NEK7: variants seen among roughly 807,000 people sequenced by gnomAD.
The protein encoded by NEK7 is NIMA related kinase 7, also known as serine/threonine-protein kinase Nek7.
Under a neutral mutation model 44.6 loss-of-function variants are expected in NEK7, and 18 were observed. That is an observed-to-expected ratio of 0.40 (90% CI 0.28 to 0.60). The LOEUF (loss-of-function observed/expected upper bound fraction) is 0.60. Ranked by LOEUF, NEK7 falls within the 20% of genes least tolerant of loss-of-function variation. NEK7 has a pLI of 0.38. For synonymous variants in NEK7, 130 were observed against 121.1 expected, an observed-to-expected ratio of 1.07 and a Z score of -0.48; for missense variants, 256 against 366.5, an observed-to-expected ratio of 0.70 and a Z score of 2.46.
At chr1:198,250,515 T>C (rs1419784995) in intron 2 of NEK7, among the ~76,000 whole-genome samples, 1 of 148,578 alleles carries the variant, frequency 6.7e-6, no homozygotes, top group African/African-American at 2.5e-5. Flanking sequence ...CCCATGAGCA[T>C]GGAATGTTCT....
intron 1 of NEK7, among the ~76,000 whole-genome samples, chr1:198,166,820 C>T (rs996216988): frequency 1.3e-5 from 2 of 152,098 alleles, no homozygotes; most frequent in African/African-American, 4.8e-5. Context: ...CAATATGTGA[C>T]ACAGAGATAT....
chr1:198,185,770 C>T (rs2102755174), intron 1 of NEK7, among the ~76,000 whole-genome samples: 1 of 152,020 alleles, frequency 6.6e-6, no homozygotes, highest in African/African-American at 2.4e-5. Context: ...ACCAGGATGG[C>T]AAGGAGTACT....
intron 9 of NEK7, among the ~76,000 whole-genome samples, chr1:198,298,449 T>A (rs1654777055): frequency 6.6e-6 from 1 of 152,214 alleles, no homozygotes; most frequent in South Asian, 2.1e-4. Flanking sequence ...TGCATAGCAT[T>A]TGTATTCAGG....
chr1:198,168,686 C>G (rs935083201), intron 1 of NEK7, among the ~76,000 whole-genome samples: 12 of 152,080 alleles, frequency 7.9e-5, no homozygotes, highest in Non-Finnish European at 1.8e-4. Flanking sequence ...TATAGTTCAT[C>G]TTTTTGTTTC....
rs540678004 is a variant in NEK7 at position 198,177,757 on chromosome 1, G to C, written c.-29+20481G>C. ...TCAGTTCCTCAGCTAACCTCGGGTT[G>C]TGTGCCAGAAGAAGGATTTCAGTTT... On this transcript the variant is annotated intron_variant, in intron 1 of 9. Transcript: ENST00000367385. 1.2e-3 allele frequency among the ~76,000 whole-genome samples: 180 copies of C among 151,982 alleles called. 1 individual carries two copies. The highest frequency in any genetic ancestry group is 2.2e-3 in the Non-Finnish European group (147 of 67,938).
At chr1:198,279,911 C>G (rs190996046) in intron 7 of NEK7, among the ~76,000 whole-genome samples, 236 of 151,980 alleles carry the variant, frequency 1.6e-3, no homozygotes, top group African/African-American at 5.5e-3. Flanking sequence ...GTACCTAAAA[C>G]GTAAGTAGGT....
At chr1:198,197,823 G>C in intron 1 of NEK7, 1 of 783,444 alleles carries the variant, frequency 1.3e-6, no homozygotes, top group Non-Finnish European at 2.3e-6. Flanking sequence ...TGCTTGCCAT[G>C]CTCGTGGTGC....
chr1:198,252,002 G>T (rs1354078096), intron 2 of NEK7, among the ~76,000 whole-genome samples: 2 of 151,994 alleles, frequency 1.3e-5, no homozygotes, highest in Non-Finnish European at 2.9e-5. Context: ...GGTTTCTCTT[G>T]TGGGCATTTA....
chr1:198,301,267 TG>T (rs1298969533), intron 9 of NEK7, among the ~76,000 whole-genome samples: 1 of 152,218 alleles, frequency 6.6e-6, no homozygotes, highest in East Asian at 1.9e-4. Context: ...ATAACATTTA[TG>T]GGCCGGGCGC....
intron 1 of NEK7, among the ~76,000 whole-genome samples, chr1:198,222,423 T>C (rs72751032): frequency 0.043 from 6,586 of 152,304 alleles, 225 homozygotes; most frequent in Middle Eastern, 0.065. Flanking sequence ...CTCCTAATAA[T>C]TTACAGTTAG....
intron 1 of NEK7, among the ~76,000 whole-genome samples, chr1:198,232,248 G>A (rs186048562): frequency 1.9e-3 from 289 of 152,050 alleles, no homozygotes; most frequent in Middle Eastern, 6.8e-3. Context: ...TCTCATAGTG[G>A]CAGGGTAGAG....
At chr1:198,163,571 T>C (rs1222736869) in intron 1 of NEK7, among the ~76,000 whole-genome samples, 2 of 152,196 alleles carry the variant, frequency 1.3e-5, no homozygotes, top group South Asian at 2.1e-4. Flanking sequence ...ATTTGTTTTA[T>C]GCAAATAGTA....
chr1:198,185,236 T>G (rs2102753884), intron 1 of NEK7, among the ~76,000 whole-genome samples: 1 of 148,726 alleles, frequency 6.7e-6, no homozygotes, highest in South Asian at 2.2e-4. Context: ...GGCTTTTTGC[T>G]TAGTGATTCT....
chr1:198,194,894 G>A (rs1665188574), intron 1 of NEK7, among the ~76,000 whole-genome samples: 1 of 152,152 alleles, frequency 6.6e-6, no homozygotes, highest in Admixed American at 6.5e-5. Context: ...TCGCCACACT[G>A]TTTTCCACAG....
At chr1:198,181,487 A>G (rs1329798860) in intron 1 of NEK7, among the ~76,000 whole-genome samples, 1 of 152,120 alleles carries the variant, frequency 6.6e-6, no homozygotes, top group East Asian at 1.9e-4. Context: ...GGTATCTATC[A>G]TGGAATCTAA....
At chr1:198,228,647 A>G (rs1214560148) in intron 1 of NEK7, among the ~76,000 whole-genome samples, 1 of 152,052 alleles carries the variant, frequency 6.6e-6, no homozygotes, top group Non-Finnish European at 1.5e-5. Context: ...ATGGGAGTTC[A>G]CTCATGATTT....
chr1:198,309,257 C>A (rs1280650703), intron 9 of NEK7, among the ~76,000 whole-genome samples: 1 of 151,044 alleles, frequency 6.6e-6, no homozygotes, highest in Non-Finnish European at 1.5e-5. Context: ...GCAGCATAAA[C>A]AAAGATATAG....
chr1:198,197,116 C>A (rs1170834850), intron 1 of NEK7, among the ~76,000 whole-genome samples: 2 of 152,142 alleles, frequency 1.3e-5, no homozygotes, highest in Non-Finnish European at 2.9e-5. Flanking sequence ...GTACTTGGCA[C>A]ATAGTAGTAT....
chr1:198,159,281 G>T (rs1219746283), intron 1 of NEK7, among the ~76,000 whole-genome samples: 1 of 152,058 alleles, frequency 6.6e-6, no homozygotes, highest in African/African-American at 2.4e-5. Context: ...CCAGGCTGAG[G>T]GCCAGCCTGG....
Sources: allele counts gnomAD v4.1 joint callset (sites outside exome capture counted in the v4.1 genomes callset), GRCh38; gene constraint gnomAD v4.1.1; transcripts MANE v1.5; gene names NCBI Gene and HGNC (gene_info 2026-07-23, HGNC 2026-07-21).